The following SLC4A10 variants were observed in gnomAD, a reference collection of about 807,000 sequenced individuals.
SLC4A10 encodes solute carrier family 4 member 10.
In SLC4A10, 42 loss-of-function variants were observed where a neutral mutation model predicts 137.7. The observed-to-expected ratio is 0.30, with a 90% CI of 0.24 to 0.39. The LOEUF (loss-of-function observed/expected upper bound fraction) is 0.39. SLC4A10 is among the 10% of genes least tolerant of loss of function. SLC4A10 has a pLI of 1.00. For synonymous variants in SLC4A10, 474 were observed against 464.1 expected (o/e 1.02, Z -0.27); for missense variants, 925 against 1,355.0 (o/e 0.68, Z 4.98).
intron 1 of SLC4A10, among the ~76,000 whole-genome samples, chr2:161,745,745 G>A (rs1221302330): frequency 6.6e-6 from 1 of 152,132 alleles, no homozygotes; most frequent in East Asian, 1.9e-4. Flanking sequence ...ATTAAGGGTT[G>A]TAATCTAAGT....
At chr2:161,921,350 G>T (rs943716773) in intron 15 of SLC4A10, among the ~76,000 whole-genome samples, 4 of 152,088 alleles carry the variant, frequency 2.6e-5, no homozygotes, top group Non-Finnish European at 5.9e-5. Flanking sequence ...GTTCTAATAA[G>T]TTTTATCTGG....
At chr2:161,633,268 A>C (rs77111479) in intron 1 of SLC4A10, among the ~76,000 whole-genome samples, 2,588 of 151,868 alleles carry the variant, frequency 0.017, 75 homozygotes, top group African/African-American at 0.058. Flanking sequence ...AAATGCAAAT[A>C]CATATAACTT....
intron 1 of SLC4A10, among the ~76,000 whole-genome samples, chr2:161,727,542 C>A (rs1292009589): frequency 1.3e-5 from 2 of 152,066 alleles, no homozygotes; most frequent in African/African-American, 4.8e-5. Flanking sequence ...CAAATTTTGT[C>A]ATTAAAACCC....
rs71889107 is a variant in SLC4A10 at position 161,751,352 on chromosome 2, C to CT, written c.49-19607dup. Among the ~76,000 whole-genome samples, 541 of 112,112 alleles carry CT rather than the reference C, an allele frequency of 4.8e-3. 5 individuals are homozygous for CT. The highest frequency in any genetic ancestry group is 7.9e-3 in the African/African-American group (245 of 30,820). 73.5% of individuals were successfully genotyped at this position (112,112 alleles called of 152,430 possible). On this transcript the variant is annotated intron_variant, in intron 1 of 26. Transcript: ENST00000446997. ...TTTTAACTGTCTTTGTTGCATTTTGCTTTTTTTTTTTTTTCATATATTGCT... is the reference window on the plus strand; with the variant it reads ...TTTTAACTGTCTTTGTTGCATTTTGCTTTTTTTTTTTTTTTCATATATTGCT...
chr2:161,708,846 TATG>T (rs1332768008), intron 1 of SLC4A10: 1 of 1,525,650 alleles, frequency 6.6e-7, no homozygotes, highest in Non-Finnish European at 8.8e-7. Context: ...CCTCATGAAT[TATG>T]ATGATAATAT....
intron 1 of SLC4A10, among the ~76,000 whole-genome samples, chr2:161,741,778 G>C (rs1426648498): frequency 6.6e-6 from 1 of 152,176 alleles, no homozygotes; most frequent in Non-Finnish European, 1.5e-5. Flanking sequence ...AGCGTAAATG[G>C]AATATCCATT....
chr2:161,836,453 A>T (rs957588329), intron 3 of SLC4A10, among the ~76,000 whole-genome samples: 9 of 151,282 alleles, frequency 5.9e-5, no homozygotes, highest in South Asian at 2.1e-4. Flanking sequence ...AGCAGAGATC[A>T]CACCACTGCA....
chr2:161,806,878 C>A (rs558869623), intron 3 of SLC4A10, among the ~76,000 whole-genome samples: 1 of 152,288 alleles, frequency 6.6e-6, no homozygotes, highest in Non-Finnish European at 1.5e-5. Flanking sequence ...AGCAGCACCC[C>A]ACTCTACTGG....
intron 4 of SLC4A10, among the ~76,000 whole-genome samples, chr2:161,842,738 C>G (rs771664508): frequency 2.6e-5 from 4 of 152,086 alleles, no homozygotes; most frequent in Non-Finnish European, 5.9e-5. Flanking sequence ...GCATCAAAAA[C>G]TACGTAGTAG....
At chr2:161,633,592 C>A (rs1037952831) in intron 1 of SLC4A10, among the ~76,000 whole-genome samples, 1 of 151,608 alleles carries the variant, frequency 6.6e-6, no homozygotes, top group Non-Finnish European at 1.5e-5. Flanking sequence ...GAAAAAAATA[C>A]GTGTTATATC....
chr2:161,726,044 T>C (rs1364650395), intron 1 of SLC4A10, among the ~76,000 whole-genome samples: 1 of 152,186 alleles, frequency 6.6e-6, no homozygotes, highest in Non-Finnish European at 1.5e-5. Context: ...TTCTGGCACA[T>C]GTTAAATGAT....
chr2:161,881,751 C>T (rs975417228), intron 9 of SLC4A10, among the ~76,000 whole-genome samples: 11 of 152,028 alleles, frequency 7.2e-5, no homozygotes, highest in East Asian at 3.9e-4. Flanking sequence ...GCCAAATGTT[C>T]GACCTAATAT....
intron 1 of SLC4A10, among the ~76,000 whole-genome samples, chr2:161,648,191 T>A (rs529808666): frequency 3.6e-5 from 3 of 83,326 alleles, no homozygotes; most frequent in Non-Finnish European, 8.2e-5. Context: ...GGAATCTTAA[T>A]GTGGTCAACT....
intron 12 of SLC4A10, among the ~76,000 whole-genome samples, chr2:161,903,471 T>A (rs960290913): frequency 3.9e-5 from 6 of 152,162 alleles, no homozygotes; most frequent in Admixed American, 3.9e-4. Context: ...TGGTGAGGGA[T>A]TTTTGTTTGT....
intron 15 of SLC4A10, among the ~76,000 whole-genome samples, chr2:161,912,069 C>T (rs1685989270): frequency 6.6e-6 from 1 of 152,106 alleles, no homozygotes; most frequent in Non-Finnish European, 1.5e-5. Context: ...TTCATTCTCA[C>T]TGTCCCTAAT....
intron 4 of SLC4A10, among the ~76,000 whole-genome samples, chr2:161,849,050 C>A (rs1275342312): frequency 6.6e-6 from 1 of 151,968 alleles, no homozygotes; most frequent in Non-Finnish European, 1.5e-5. Flanking sequence ...GAATGTTTTT[C>A]CATTTGTTTG....
chr2:161,740,920 A>G (rs2047814981), intron 1 of SLC4A10, among the ~76,000 whole-genome samples: 1 of 152,172 alleles, frequency 6.6e-6, no homozygotes, highest in South Asian at 2.1e-4. Context: ...TACTACGGTC[A>G]AGCAAATTAA....
At chr2:161,788,297 G>A (rs539825523) in intron 2 of SLC4A10, among the ~76,000 whole-genome samples, 2 of 152,108 alleles carry the variant, frequency 1.3e-5, no homozygotes, top group South Asian at 2.1e-4. Context: ...AGAGGTCTCA[G>A]TAAACTTATC....
intron 1 of SLC4A10, among the ~76,000 whole-genome samples, chr2:161,674,931 C>A (rs561442731): frequency 3.4e-4 from 52 of 152,302 alleles, no homozygotes; most frequent in Admixed American, 2.2e-3. Context: ...AAACCAAACA[C>A]CTTTAAGCAT....
Sources: allele counts gnomAD v4.1 joint callset (sites outside exome capture counted in the v4.1 genomes callset), GRCh38; gene constraint gnomAD v4.1.1; transcripts MANE v1.5; gene names NCBI Gene and HGNC (gene_info 2026-07-23, HGNC 2026-07-21).